The following PRRC2B variants were observed in gnomAD, a reference collection of about 807,000 sequenced individuals.
PRRC2B encodes protein PRRC2B.
Under a neutral mutation model 242.3 loss-of-function variants are expected in PRRC2B, and 68 were observed. That is an observed-to-expected ratio of 0.28 (90% confidence interval 0.23 to 0.34). PRRC2B has a LOEUF of 0.34. PRRC2B is among the 10% of genes least tolerant of loss of function. The pLI, the probability that PRRC2B is intolerant of heterozygous loss-of-function variation, is 1.00. For synonymous variants in PRRC2B, 1,228 were observed against 1,173.6 expected, an observed-to-expected ratio of 1.05 and a Z score of -0.95; for missense variants, 2,835 against 2,954.8, an observed-to-expected ratio of 0.96 and a Z score of 0.94.
rs895767877 is a variant in PRRC2B, at chr9:131,388,581, G to A, written c.-56+14850G>A. ...TTCTTTTGAGACAGAGTCTTGCTCT[G>A]TCACCAGGCTGGAGTGCAGTGGCGC... is the stretch of plus-strand genomic sequence containing the variant. On this transcript the variant is annotated intron_variant, in intron 1 of 1. Coordinates refer to the PRRC2B transcript ENST00000682525. Among the ~76,000 whole-genome samples, 14 of 145,848 alleles carry A rather than the reference G, an allele frequency of 9.6e-5. 1 individual carries two copies. The highest frequency in any genetic ancestry group is 1.8e-4 in the Non-Finnish European group (12 of 66,200).
chr9:131,478,213 C>T (rs1008576908), intron 17 of PRRC2B, among the ~76,000 whole-genome samples: 3 of 59,206 alleles, frequency 5.1e-5, no homozygotes, highest in African/African-American at 7.4e-5. Context: ...CAGAGACGTT[C>T]GGTGGTGTGT....
chr9:131,439,467 A>T (rs568291827), intron 5 of PRRC2B, among the ~76,000 whole-genome samples: 1 of 152,330 alleles, frequency 6.6e-6, no homozygotes, highest in Non-Finnish European at 1.5e-5. Context: ...GTAAAGCAGC[A>T]CTGGCTGCCC....
chr9:131,403,789 CG>C (rs1237131357), intron 1 of PRRC2B, among the ~76,000 whole-genome samples: 1 of 151,756 alleles, frequency 6.6e-6, no homozygotes, highest in Non-Finnish European at 1.5e-5. Context: ...GCTCAGTGCA[CG>C]TATAAATATG....
intron 1 of PRRC2B, among the ~76,000 whole-genome samples, chr9:131,397,469 T>C (rs1486143936): frequency 6.6e-6 from 1 of 152,110 alleles, no homozygotes; most frequent in African/African-American, 2.4e-5. Flanking sequence ...ATTTTTGTTA[T>C]TAATTTTTTT....
Position 131,491,430 on chromosome 9 carries a change from C to T in PRRC2B, c.6231C>T (p.Thr2077=). The T allele has an allele frequency of 6.3e-7, 1 of 1,599,410 alleles. No individual in the cohort carries two copies. The highest frequency in any genetic ancestry group is 8.5e-7 in the Non-Finnish European group (1 of 1,173,338). Residue 2077 remains threonine (T), a synonymous_variant, in exon 29 of 32, where the codon ACC becomes ACT. Transcript: ENST00000683519. Reference sequence around the variant, plus strand: ...CTGTCATTGTCGCCCAGCAGCTGACCATGCCACTGCCTCGGTACGGCTCCG... The same window carrying T: ...CTGTCATTGTCGCCCAGCAGCTGACTATGCCACTGCCTCGGTACGGCTCCG... The part of the protein sequence containing the change: ...QMLDSQLPQL[T]MPLPRYGSGQ...
At chr9:131,464,358 C>T (rs951807307) in intron 11 of PRRC2B, among the ~76,000 whole-genome samples, 8 of 152,184 alleles carry the variant, frequency 5.3e-5, no homozygotes, top group African/African-American at 1.9e-4. Flanking sequence ...TAGCAGTTTT[C>T]GTGACCCAGG....
intron 1 of PRRC2B, among the ~76,000 whole-genome samples, chr9:131,420,496 T>TCGTTCG (rs59621148): frequency 1.3e-5 from 1 of 75,898 alleles, no homozygotes; most frequent in Non-Finnish European, 2.7e-5. Context: ...TTTCTTTCTT[T>TCGTTCG]TTTTTTTTTT....
At chr9:131,444,834 G>T (rs572204034) in intron 6 of PRRC2B, among the ~76,000 whole-genome samples, 1 of 152,118 alleles carries the variant, frequency 6.6e-6, no homozygotes. Flanking sequence ...CTCATCTTAG[G>T]TCGGGCCAGG....
intron 4 of PRRC2B, among the ~76,000 whole-genome samples, chr9:131,438,304 G>A (rs1564284062): frequency 6.6e-6 from 1 of 152,180 alleles, no homozygotes; most frequent in Non-Finnish European, 1.5e-5. Context: ...TCCTGGTCCT[G>A]CTGTTCTGCA....
In PRRC2B at chr9:131,444,299, A is replaced by G. The variant is rs905060852; in HGVS notation, c.584A>G (p.Tyr195Cys). 4.3e-6 allele frequency: 7 copies of G among 1,613,266 alleles called. No individual in the cohort carries two copies. The highest frequency in any genetic ancestry group is 2.2e-5 in the South Asian group (2 of 90,932). ...GKEKGVLDLS[Y>C]GPGPSLRPQN... ...GAAAAGGGCGTCTTAGATCTGTCGT[A>G]TGGGCCAGGACCAAGCCTCCGCCCT... The change falls in exon 6 of 32, where the codon TAT becomes TGT. Residue 195 changes from tyrosine to cysteine, a missense_variant. By Grantham distance (194) the Tyr-to-Cys change is radical. Around this residue, in one of 7 missense-constraint regions of PRRC2B, gnomAD observed 626 missense variants for 685.5 expected, o/e 0.91. Coordinates refer to ENST00000683519, the MANE Select transcript of PRRC2B (RefSeq NM_013318.4).
In PRRC2B at chr9:131,488,043, A is replaced by T; in HGVS notation, c.6172A>T (p.Ser2058Cys). The change falls in exon 28 of 32, where the codon AGC becomes TGC. Residue 2058 changes from serine to cysteine, a missense_variant. Ser to Cys is a moderately radical substitution (Grantham distance 112, BLOSUM62 -1). Coordinates refer to ENST00000683519, the MANE Select transcript of PRRC2B (RefSeq NM_013318.4). ...AGCCCTGGTCTACGAGGGCCAGCTC[A>T]GCCAGGCTGCTGGCCTGGGTGCCTC... ...NQALVYEGQL[S>C]QAAGLGASQM... 6.2e-7 allele frequency: 1 copy of T among 1,613,318 alleles called. No individual in the cohort carries two copies. The highest frequency in any genetic ancestry group is 1.1e-5 in the South Asian group (1 of 90,888).
intron 1 of PRRC2B, among the ~76,000 whole-genome samples, chr9:131,375,424 T>A (rs1318256066): frequency 6.6e-6 from 1 of 151,864 alleles, no homozygotes; most frequent in Non-Finnish European, 1.5e-5. Flanking sequence ...AATAAAAAAA[T>A]AAGGGCATTA....
Position 131,475,511 on chromosome 9 carries a change from C to G in PRRC2B, c.3382C>G (p.Arg1128Gly). The G allele has an allele frequency of 1.2e-6, 2 of 1,608,814 alleles. No individual in the cohort carries two copies. Among genetic ancestry groups the G allele is most frequent in the Non-Finnish European group, 1.7e-6 (2 of 1,177,628 alleles). The change falls in exon 16 of 32, where the codon CGG becomes GGG. Residue 1128 changes from arginine (R) to glycine (G), a missense_variant. Coordinates refer to ENST00000683519, the MANE Select transcript of PRRC2B (RefSeq NM_013318.4). The part of the protein sequence containing the change: ...PEDCPRAKPR[R>G]RVASETHSEG... ...GGACTGCCCCAGAGCCAAGCCCCGA[C>G]GGAGAGTTGCCAGTGAGACCCATAG... is the stretch of plus-strand genomic sequence containing the variant.
chr9:131,426,565 G>A (rs1837982649), intron 1 of PRRC2B, among the ~76,000 whole-genome samples: 1 of 152,024 alleles, frequency 6.6e-6, no homozygotes, highest in African/African-American at 2.4e-5. Context: ...ATTTAAAATG[G>A]CCCATGGACC....
intron 1 of PRRC2B, among the ~76,000 whole-genome samples, chr9:131,376,247 G>A (rs761168170): frequency 4.0e-5 from 6 of 151,776 alleles, no homozygotes; most frequent in African/African-American, 1.2e-4. Context: ...CCAGCTAATC[G>A]GGAGGCTGAG....
chr9:131,382,718 C>G (rs1460557333), intron 1 of PRRC2B, among the ~76,000 whole-genome samples: 4 of 149,294 alleles, frequency 2.7e-5, no homozygotes, highest in Admixed American at 2.7e-4. Context: ...GATCTCGGCT[C>G]ACAGCAACCT....
Position 131,444,392 on chromosome 9 carries a change from C to T in PRRC2B, c.613+64C>T, listed in dbSNP as rs78302387. ...AGAACTTCCTCCTCTCATCTCTCTG[C>T]ACTCCTAAAAGGGTGCTGATGCCAC... On this transcript the variant is annotated intron_variant, in intron 6 of 31. Coordinates refer to ENST00000683519, the MANE Select transcript of PRRC2B (RefSeq NM_013318.4). 6.0e-5 allele frequency: 93 copies of T among 1,555,106 alleles called. No homozygotes were observed. The East Asian group carries it at 2.1e-3, about 36-fold the overall frequency.
chr9:131,473,207 T>G (rs904586162), intron 14 of PRRC2B, among the ~76,000 whole-genome samples: 2 of 152,172 alleles, frequency 1.3e-5, no homozygotes, highest in African/African-American at 4.8e-5. Flanking sequence ...CTCCCTGCCC[T>G]GTATAGAAAG....
At chr9:131,377,531 G>A (rs1010442693) in intron 1 of PRRC2B, among the ~76,000 whole-genome samples, 3 of 151,494 alleles carry the variant, frequency 2.0e-5, no homozygotes, top group Non-Finnish European at 2.9e-5. Context: ...GTGTGTGATG[G>A]CATTTAAATG....
Sources: gnomAD v4.1 joint callset for allele counts (sites outside exome capture counted in the v4.1 genomes callset) on GRCh38, gnomAD v4.1.1 for gene constraint, gnomAD v4.1.1 regional missense constraint, MANE v1.5 for transcripts, NCBI Gene and HGNC (gene_info 2026-07-23, HGNC 2026-07-21) for gene names.